The following ARHGAP44 variants were observed in gnomAD, a reference collection of about 807,000 sequenced individuals.
ARHGAP44 encodes rho GTPase-activating protein 44.
ARHGAP44 carries 43 observed loss-of-function variants against 106.8 expected under a neutral mutation model. The observed-to-expected ratio is 0.40, with a 90% CI of 0.32 to 0.52. ARHGAP44 has a LOEUF of 0.52. ARHGAP44 is among the 20% of genes least tolerant of loss of function. The pLI is 0.48. For synonymous variants in ARHGAP44, 439 were observed against 410.3 expected (o/e 1.07, Z -0.85); for missense variants, 866 against 1,050.5 (o/e 0.82, Z 2.43).
At position 12,908,995 on chromosome 17, in the gene ARHGAP44, G is replaced by A. The variant is rs770529293; in HGVS notation, c.275+22G>A. On this transcript the variant is annotated intron_variant, in intron 4 of 20. Coordinates refer to ENST00000379672, the MANE Select transcript of ARHGAP44 (RefSeq NM_014859.6). ...TTGGGTAAGGTGACACCTTGCGTGA[G>A]TTTGGTGCCAAATCTAAGTAAGTCC... 4.8e-5 allele frequency: 75 copies of A among 1,566,626 alleles called. 1 individual carries two copies. The South Asian group carries it at 8.4e-4, about 18-fold the overall frequency.
intron 1 of ARHGAP44, among the ~76,000 whole-genome samples, chr17:12,841,594 T>TCTCTCTCTCTCTCTCACACACACACA (rs1417307080): frequency 1.6e-5 from 2 of 126,580 alleles, no homozygotes; most frequent in South Asian, 2.7e-4. Context: ...TGTCTCTCTC[T>TCTCTCTCTCTCTCTCACACACACACA]CACACACACA....
At chr17:12,832,107 G>T (rs899539821) in intron 1 of ARHGAP44, among the ~76,000 whole-genome samples, 5 of 152,188 alleles carry the variant, frequency 3.3e-5, no homozygotes, top group Admixed American at 6.5e-5. Flanking sequence ...AGTAGAGAAA[G>T]AGTTTAATTC....
chr17:12,878,847 G>T (rs530371619), intron 1 of ARHGAP44, among the ~76,000 whole-genome samples: 1 of 152,194 alleles, frequency 6.6e-6, no homozygotes, highest in South Asian at 2.1e-4. Flanking sequence ...CATTAAATGA[G>T]TTTATGACCT....
chr17:12,987,057 C>A, intron 20 of ARHGAP44: 4 of 1,002,710 alleles, frequency 4.0e-6, no homozygotes, highest in Admixed American at 3.4e-5. Flanking sequence ...CATGTTTTGT[C>A]GTGTTGATTC....
intron 1 of ARHGAP44, among the ~76,000 whole-genome samples, chr17:12,839,134 T>C (rs997873441): frequency 1.3e-5 from 2 of 152,236 alleles, no homozygotes; most frequent in Non-Finnish European, 2.9e-5. Context: ...ACTGCTAGAC[T>C]GTTTATTCAA....
At chr17:12,969,979 A>C (rs2039485565) in intron 16 of ARHGAP44, among the ~76,000 whole-genome samples, 1 of 152,102 alleles carries the variant, frequency 6.6e-6, no homozygotes, top group Non-Finnish European at 1.5e-5. Context: ...AAAAATACCC[A>C]CGTTTCCATT....
intron 1 of ARHGAP44, among the ~76,000 whole-genome samples, chr17:12,824,233 A>C (rs182358271): frequency 1.3e-5 from 2 of 152,252 alleles, no homozygotes; most frequent in African/African-American, 4.8e-5. Flanking sequence ...TGAGCTGCAC[A>C]TGGTCAATCC....
At chr17:12,902,292 C>T (rs181404930) in intron 3 of ARHGAP44, among the ~76,000 whole-genome samples, 51 of 152,232 alleles carry the variant, frequency 3.4e-4, no homozygotes, top group African/African-American at 1.2e-3. Flanking sequence ...CTTGCTCTAT[C>T]CTCCGCAGGG....
chr17:12,967,452 C>G (rs1414209864), intron 16 of ARHGAP44, among the ~76,000 whole-genome samples: 2 of 151,910 alleles, frequency 1.3e-5, no homozygotes, highest in African/African-American at 4.8e-5. Flanking sequence ...CGCTCCCCTC[C>G]TGCCTCAATT....
chr17:12,969,419 G>C (rs1390393527), intron 16 of ARHGAP44, among the ~76,000 whole-genome samples: 4 of 152,112 alleles, frequency 2.6e-5, no homozygotes, highest in Non-Finnish European at 1.5e-5. Flanking sequence ...AGTTTCATTG[G>C]CTCCTTACAA....
intron 1 of ARHGAP44, among the ~76,000 whole-genome samples, chr17:12,893,772 T>C (rs1273458145): frequency 6.6e-6 from 1 of 152,188 alleles, no homozygotes; most frequent in Non-Finnish European, 1.5e-5. Flanking sequence ...AGGCTGCTCC[T>C]TTCTTTGTCC....
At chr17:12,954,483 C>T (rs958209379) in intron 13 of ARHGAP44, among the ~76,000 whole-genome samples, 12 of 152,218 alleles carry the variant, frequency 7.9e-5, no homozygotes, top group African/African-American at 2.9e-4. Context: ...CTGGTCCAGA[C>T]CTGTGTGGCC....
chr17:12,811,117 C>A (rs1357989994), intron 1 of ARHGAP44, among the ~76,000 whole-genome samples: 3 of 151,972 alleles, frequency 2.0e-5, no homozygotes, highest in Non-Finnish European at 4.4e-5. Context: ...TCGAGACCAT[C>A]CTGGCTAACA....
chr17:12,906,120 A>G (rs1567679305), intron 3 of ARHGAP44, among the ~76,000 whole-genome samples: 1 of 152,176 alleles, frequency 6.6e-6, no homozygotes, highest in Non-Finnish European at 1.5e-5. Flanking sequence ...GAGGACAAAA[A>G]TCACCCCTGG....
At chr17:12,942,051 C>G (rs964974693) in intron 8 of ARHGAP44, among the ~76,000 whole-genome samples, 1 of 152,204 alleles carries the variant, frequency 6.6e-6, no homozygotes, top group Non-Finnish European at 1.5e-5. Context: ...AATTTTCCAA[C>G]ATTTCATTAG....
chr17:12,947,641 T>C (rs575601423), intron 10 of ARHGAP44, among the ~76,000 whole-genome samples: 4 of 152,372 alleles, frequency 2.6e-5, no homozygotes, highest in African/African-American at 7.2e-5. Flanking sequence ...TTTTATGCTT[T>C]GCTCAGTTAC....
intron 4 of ARHGAP44, among the ~76,000 whole-genome samples, chr17:12,913,983 A>G (rs1240675143): frequency 6.6e-6 from 1 of 150,916 alleles, no homozygotes; most frequent in Non-Finnish European, 1.5e-5. Context: ...AAAAAAAAAA[A>G]AAAAAAAGGC....
intron 1 of ARHGAP44, among the ~76,000 whole-genome samples, chr17:12,791,712 A>C (rs917110919): frequency 2.0e-5 from 3 of 152,184 alleles, no homozygotes; most frequent in Non-Finnish European, 2.9e-5. Context: ...GGATTTCAGA[A>C]AAAGTGGTCT....
intron 16 of ARHGAP44, among the ~76,000 whole-genome samples, chr17:12,969,653 A>G (rs1272729300): frequency 6.6e-6 from 1 of 152,212 alleles, no homozygotes; most frequent in East Asian, 1.9e-4. Context: ...TATTCCGTCC[A>G]TCAAGGTGTT....
Sources: gnomAD v4.1 joint callset for allele counts (sites outside exome capture counted in the v4.1 genomes callset) on GRCh38, gnomAD v4.1.1 for gene constraint, MANE v1.5 for transcripts, NCBI Gene and HGNC (gene_info 2026-07-23, HGNC 2026-07-21) for gene names.